The following PAG1 variants were observed in gnomAD, a reference collection of about 807,000 sequenced individuals.
PAG1 encodes the protein phosphoprotein membrane anchor with glycosphingolipid microdomains 1.
In PAG1, 23 loss-of-function variants were observed where a neutral mutation model predicts 31.7. The observed-to-expected ratio is 0.73, with a 90% CI of 0.52 to 1.03. The LOEUF (loss-of-function observed/expected upper bound fraction) is 1.03, where lower values mean the gene tolerates loss of function less well. Among genes scored for constraint, PAG1 ranks in the 50% least tolerant of loss-of-function variants. The probability of loss-of-function intolerance (pLI) is 0.00; values close to 1 mark genes in which losing one functional copy is unlikely to be tolerated. For synonymous variants in PAG1, 214 were observed against 210.3 expected, an observed-to-expected ratio of 1.02 and a Z score of -0.15; for missense variants, 473 against 540.7, an observed-to-expected ratio of 0.87 and a Z score of 1.24.
At chr8:81,072,918 G>A (rs1809117810) in intron 1 of PAG1, among the ~76,000 whole-genome samples, 1 of 152,178 alleles carries the variant, frequency 6.6e-6, no homozygotes, top group East Asian at 1.9e-4. Flanking sequence ...CATCACAGCT[G>A]CTCAAAACCT....
At position 80,996,439 on chromosome 8, in the gene PAG1, T is replaced by A. The variant is rs144841748; in HGVS notation, c.-80-3132A>T. On this transcript the variant is annotated intron_variant, in intron 3 of 8. Transcript: ENST00000220597. Reference sequence around the variant, plus strand: ...TCTCCTGGTCTCTCTCTCTTTTTTCTGGATGTTTGTTTCCAAAATTCTGCT... The same window carrying A: ...TCTCCTGGTCTCTCTCTCTTTTTTCAGGATGTTTGTTTCCAAAATTCTGCT... 5.4e-4 allele frequency among the ~76,000 whole-genome samples: 83 copies of A among 152,366 alleles called. 1 individual carries two copies. The highest frequency in any genetic ancestry group is 1.9e-3 in the African/African-American group (80 of 41,596).
intron 1 of PAG1, among the ~76,000 whole-genome samples, chr8:81,094,967 G>A (rs1037545014): frequency 2.6e-5 from 4 of 152,296 alleles, no homozygotes; most frequent in South Asian, 4.1e-4. Context: ...GGAAAAATAC[G>A]TTTTTCTTAC....
At chr8:81,015,847 G>A (rs1016589279) in intron 3 of PAG1, among the ~76,000 whole-genome samples, 2 of 152,110 alleles carry the variant, frequency 1.3e-5, no homozygotes, top group African/African-American at 4.8e-5. Flanking sequence ...AAGAAATGCT[G>A]TCTGTTTCTC....
At chr8:80,977,331 C>T (rs1169836026) in intron 8 of PAG1, among the ~76,000 whole-genome samples, 3 of 152,208 alleles carry the variant, frequency 2.0e-5, no homozygotes, top group Non-Finnish European at 4.4e-5. Flanking sequence ...AAAGTGTGGG[C>T]TGTAAACCAG....
At chr8:80,997,464 G>A (rs1420530769) in intron 3 of PAG1, among the ~76,000 whole-genome samples, 1 of 152,032 alleles carries the variant, frequency 6.6e-6, no homozygotes, top group Non-Finnish European at 1.5e-5. Flanking sequence ...TAGAGATGAG[G>A]TCTTGCTATG....
chr8:81,049,189 C>T (rs897960418), intron 2 of PAG1, among the ~76,000 whole-genome samples: 1 of 152,212 alleles, frequency 6.6e-6, no homozygotes, highest in Admixed American at 6.5e-5. Context: ...CCCACAAACC[C>T]TCACTTCAAC....
intron 2 of PAG1, among the ~76,000 whole-genome samples, chr8:81,046,993 C>T (rs1430487587): frequency 6.6e-6 from 1 of 152,138 alleles, no homozygotes; most frequent in African/African-American, 2.4e-5. Context: ...TGGTTTCCTG[C>T]TCCATCCCTG....
At chr8:81,049,944 C>T (rs1283183426) in intron 2 of PAG1, among the ~76,000 whole-genome samples, 1 of 152,200 alleles carries the variant, frequency 6.6e-6, no homozygotes, top group African/African-American at 2.4e-5. Context: ...AAACCCCACG[C>T]TGGGACTGGG....
chr8:81,023,224 G>T (rs1477771509), intron 3 of PAG1, among the ~76,000 whole-genome samples: 1 of 152,032 alleles, frequency 6.6e-6, no homozygotes, highest in African/African-American at 2.4e-5. Flanking sequence ...ATTTAACAGT[G>T]ATGTGCTACT....
At chr8:81,027,008 T>C (rs888016970) in intron 3 of PAG1, among the ~76,000 whole-genome samples, 1 of 152,192 alleles carries the variant, frequency 6.6e-6, no homozygotes, top group Non-Finnish European at 1.5e-5. Context: ...CATATAAATA[T>C]ATTTCTATAC....
At chr8:81,037,786 T>C (rs1190197869) in intron 2 of PAG1, among the ~76,000 whole-genome samples, 2 of 152,262 alleles carry the variant, frequency 1.3e-5, no homozygotes, top group Non-Finnish European at 2.9e-5. Flanking sequence ...CAGTCATTTG[T>C]TCATTTTCTT....
rs192203536 is a variant in PAG1 at position 81,096,370 on chromosome 8, C to T, written c.-234+15221G>A. On this transcript the variant is annotated intron_variant, in intron 1 of 8. Coordinates refer to ENST00000220597, the MANE Select transcript of PAG1 (RefSeq NM_018440.4). ...AAAGATCACTTTATAAAAAAGGCTA[C>T]CCAAATGAATCTCTGCCCAACTCCT... is the stretch of plus-strand genomic sequence containing the variant. Among the ~76,000 whole-genome samples, 156 of 152,186 alleles carry T rather than the reference C, an allele frequency of 1.0e-3. 1 individual carries two copies. The highest frequency in any genetic ancestry group is 9.4e-3 in the Admixed American group (144 of 15,288).
intron 1 of PAG1, among the ~76,000 whole-genome samples, chr8:81,107,620 C>A (rs1239131485): frequency 6.6e-6 from 1 of 152,182 alleles, no homozygotes; most frequent in African/African-American, 2.4e-5. Flanking sequence ...GGATGAAGGG[C>A]AGTTCTTAAC....
chr8:81,028,665 T>C (rs1395084564), intron 3 of PAG1, among the ~76,000 whole-genome samples: 1 of 152,260 alleles, frequency 6.6e-6, no homozygotes, highest in Non-Finnish European at 1.5e-5. Flanking sequence ...TGAGAAGCTA[T>C]TAAAATAGAT....
At chr8:80,987,958 G>A (rs1807460021) in intron 5 of PAG1, among the ~76,000 whole-genome samples, 1 of 152,160 alleles carries the variant, frequency 6.6e-6, no homozygotes, top group Non-Finnish European at 1.5e-5. Flanking sequence ...ACTAAATTGA[G>A]TTCCTTGTTG....
chr8:81,091,444 G>A (rs7841812), intron 1 of PAG1, among the ~76,000 whole-genome samples: 13,228 of 152,062 alleles, frequency 0.087, 1,532 homozygotes, highest in African/African-American at 0.27. Context: ...TTCATCATGC[G>A]AACATCATAC....
chr8:80,989,225 T>G (rs1807488149), intron 5 of PAG1, among the ~76,000 whole-genome samples: 1 of 152,178 alleles, frequency 6.6e-6, no homozygotes, highest in Admixed American at 6.5e-5. Context: ...CCCAGTGAGA[T>G]GGGTCACTGT....
At chr8:81,012,242 T>C (rs1384892336) in intron 3 of PAG1, among the ~76,000 whole-genome samples, 1 of 152,220 alleles carries the variant, frequency 6.6e-6, no homozygotes, top group African/African-American at 2.4e-5. Context: ...GGACAAATCC[T>C]ACTGACATAT....
At chr8:81,109,084 T>C (rs780574901) in intron 1 of PAG1, among the ~76,000 whole-genome samples, 7 of 152,226 alleles carry the variant, frequency 4.6e-5, no homozygotes, top group South Asian at 2.1e-4. Context: ...CCAATTTTTC[T>C]TTTTTGACTC....
Sources: gnomAD v4.1 joint callset for allele counts (sites outside exome capture counted in the v4.1 genomes callset) on GRCh38, gnomAD v4.1.1 for gene constraint, MANE v1.5 for transcripts, NCBI Gene and HGNC (gene_info 2026-07-23, HGNC 2026-07-21) for gene names.